GPRC5A: variants seen among roughly 807,000 people sequenced by gnomAD.
GPRC5A encodes retinoic acid-induced protein 3.
Under a neutral mutation model 22.5 loss-of-function variants are expected in GPRC5A, and 19 were observed. The observed-to-expected ratio is 0.85, with a 90% CI of 0.59 to 1.24. The LOEUF is 1.24. Ranked by LOEUF, GPRC5A falls within the 50% of genes most tolerant of loss-of-function variation. GPRC5A has a pLI of 0.00. For synonymous variants in GPRC5A, 192 were observed against 184.5 expected (o/e 1.04, Z -0.33); for missense variants, 471 against 451.1 (o/e 1.04, Z -0.40).
In GPRC5A at chr12:12,908,449, C is replaced by T; in HGVS notation, c.200C>T (p.Thr67Ile). The change falls in exon 2 of 4, where the codon ACT (threonine) becomes ATT (isoleucine). Residue 67 changes from threonine (T) to isoleucine (I), a missense_variant. Transcript: ENST00000014914. ...QDSNRRKMLPTQFLFLLGVLG... is the reference protein window; with the variant it reads ...QDSNRRKMLPIQFLFLLGVLG... Reference sequence around the variant, plus strand: ...TCCAACAGGCGAAAAATGCTGCCTACTCAGTTTCTCTTCCTCCTGGGTGTG... The same window carrying T: ...TCCAACAGGCGAAAAATGCTGCCTATTCAGTTTCTCTTCCTCCTGGGTGTG... 3 of 1,614,054 alleles carry T rather than the reference C, an allele frequency of 1.9e-6. No individual in the cohort carries two copies. The highest frequency in any genetic ancestry group is 2.5e-6 in the Non-Finnish European group (3 of 1,179,970).
At position 12,908,241 on chromosome 12, in the gene GPRC5A, A is replaced by G. The variant is rs1440246096; in HGVS notation, c.-7-2A>G. On this transcript the variant is annotated splice_acceptor_variant, in intron 1 of 3. Transcript: ENST00000014914. LOFTEE classifies it low-confidence loss of function (5UTR_SPLICE). ...CCCCACTCCAACATTCCTTTTCTGC[A>G]GGTCCAGAATGGCTACAACAGTCCC... 6.5e-7 allele frequency: 1 copy of G among 1,540,016 alleles called. No individual in the cohort carries two copies. The highest frequency in any genetic ancestry group is 2.3e-5 in the East Asian group (1 of 44,294).
Position 12,913,426 on chromosome 12 carries a change from C to G in GPRC5A, c.*887C>G, listed in dbSNP as rs963886102. 2.6e-5 allele frequency: 4 copies of G among 152,316 alleles called. No homozygotes were observed. Among genetic ancestry groups the G allele is most frequent in the African/African-American group, 9.7e-5 (4 of 41,446 alleles). 9.4% of individuals were successfully genotyped at this position (152,316 alleles called of 1,614,324 possible). A position where few individuals can be genotyped will look rare whatever the true frequency, so the allele number is the denominator to read the frequency against. On this transcript the variant is annotated 3_prime_UTR_variant, in exon 4 of 4. Transcript: ENST00000014914. ...TCTTTCAGACCTCACTAGCACAAGC[C>G]CGGTTGCTCCTTGTCAGGAGAATTT...
chr12:12,895,217 A>T (rs1863809332), intron 1 of GPRC5A, among the ~76,000 whole-genome samples: 1 of 152,194 alleles, frequency 6.6e-6, no homozygotes. Context: ...TTTACCTTGA[A>T]CAACTTACTT....
chr12:12,911,380 A>C (rs904400177), intron 2 of GPRC5A, among the ~76,000 whole-genome samples: 1 of 152,048 alleles, frequency 6.6e-6, no homozygotes, highest in Non-Finnish European at 1.5e-5. Context: ...AAATATATAC[A>C]TATTTTCCTT....
Position 12,915,658 on chromosome 12 carries a change from ATT to A in GPRC5A, c.*3123_*3124del. 5.4e-6 allele frequency: 1 copy of A among 184,786 alleles called. No individual in the cohort carries two copies. Among genetic ancestry groups the A allele is most frequent in the Non-Finnish European group, 1.2e-5 (1 of 83,712 alleles). The allele number at this position is 184,786 out of a possible 1,614,324, so 11.4% of individuals were successfully genotyped here. On this transcript the variant is annotated 3_prime_UTR_variant, in exon 4 of 4. Coordinates refer to ENST00000014914, the MANE Select transcript of GPRC5A (RefSeq NM_003979.4). The stretch of plus-strand genomic sequence containing the variant: ...CCTCCTCCTCCACCATGCCCGGCTG[ATT>A]TTTGTATTTTTAGTAGAGACAGGGT...
At chr12:12,905,434 C>A (rs1041185309) in intron 1 of GPRC5A, among the ~76,000 whole-genome samples, 3 of 151,946 alleles carry the variant, frequency 2.0e-5, no homozygotes, top group African/African-American at 7.3e-5. Context: ...GCCACGTGAA[C>A]AATCTCATTG....
chr12:12,900,038 A>G (rs1166084495), intron 1 of GPRC5A, among the ~76,000 whole-genome samples: 1 of 152,186 alleles, frequency 6.6e-6, no homozygotes, highest in Non-Finnish European at 1.5e-5. Flanking sequence ...AGAAACCCAA[A>G]GCGGGAGACT....
rs529656576 is a variant in GPRC5A at position 12,905,487 on chromosome 12, C to T, written c.-7-2756C>T. Among the ~76,000 whole-genome samples the T allele has an allele frequency of 3.6e-4, 55 of 152,264 alleles. No homozygotes were observed. In the South Asian group the frequency reaches 5.6e-3, roughly 15 times the overall value. On this transcript the variant is annotated intron_variant, in intron 1 of 3. Transcript: ENST00000014914. ...GAAAAAAAATCCCATGCCCAAAAAG[C>T]ATGGAACACAACAAAAAGAATAGTG...
At position 12,913,427 on chromosome 12, in the gene GPRC5A, CG is replaced by C. The variant is rs1350933174; in HGVS notation, c.*890del. 1 of 152,278 alleles carries C rather than the reference CG, an allele frequency of 6.6e-6. No individual in the cohort carries two copies. Among genetic ancestry groups the C allele is most frequent in the Non-Finnish European group, 1.5e-5 (1 of 68,054 alleles). 9.4% of individuals were successfully genotyped at this position (152,278 alleles called of 1,614,324 possible). A position where few individuals can be genotyped will look rare whatever the true frequency, so the allele number is the denominator to read the frequency against. On this transcript the variant is annotated 3_prime_UTR_variant, in exon 4 of 4. Transcript: ENST00000014914. ...CTTTCAGACCTCACTAGCACAAGCC[CG>C]GTTGCTCCTTGTCAGGAGAATTTGT...
intron 1 of GPRC5A, among the ~76,000 whole-genome samples, chr12:12,892,906 G>T (rs928345771): frequency 3.3e-5 from 5 of 152,170 alleles, no homozygotes; most frequent in Non-Finnish European, 7.4e-5. Context: ...CCACGGGAGG[G>T]GTGAGGGCGG....
At chr12:12,904,023 G>A (rs1360145702) in intron 1 of GPRC5A, among the ~76,000 whole-genome samples, 1 of 152,218 alleles carries the variant, frequency 6.6e-6, no homozygotes, top group African/African-American at 2.4e-5. Flanking sequence ...AGAGGGGCAG[G>A]GAGAGGGAGA....
At chr12:12,892,533 A>G (rs752971695) in intron 1 of GPRC5A, among the ~76,000 whole-genome samples, 1 of 151,906 alleles carries the variant, frequency 6.6e-6, no homozygotes, top group Non-Finnish European at 1.5e-5. Context: ...ACTCCTGGTT[A>G]ATTTTGTATT....
chr12:12,905,861 T>G (rs1863936751), intron 1 of GPRC5A, among the ~76,000 whole-genome samples: 1 of 152,172 alleles, frequency 6.6e-6, no homozygotes, highest in Non-Finnish European at 1.5e-5. Context: ...GGCTTCCTGA[T>G]TATCCGAATG....
Position 12,914,594 on chromosome 12 carries a change from T to TCTCTC in GPRC5A, c.*2055_*2056insCTCTC, listed in dbSNP as rs879783764. ...TTTCTTTCTTTCTTTCTTTCTTTCT[T>TCTCTC]TCTCTCTCTCTCTCTCTCTCTCTTT... is the stretch of plus-strand genomic sequence containing the variant. On this transcript the variant is annotated 3_prime_UTR_variant, in exon 4 of 4. Coordinates refer to ENST00000014914, the MANE Select transcript of GPRC5A (RefSeq NM_003979.4). 6 of 81,626 alleles carry TCTCTC rather than the reference T, an allele frequency of 7.4e-5. No individual in the cohort carries two copies. The highest frequency in any genetic ancestry group is 4.5e-4 in the Admixed American group (3 of 6,656). 5.1% of individuals were successfully genotyped at this position (81,626 alleles called of 1,614,324 possible).
At chr12:12,909,455 G>A in intron 2 of GPRC5A, 1 of 339,438 alleles carries the variant, frequency 2.9e-6, no homozygotes, top group East Asian at 4.8e-5. Flanking sequence ...TTCCTGTGGG[G>A]CAGAACACCT....
chr12:12,907,813 G>A (rs1347871867), intron 1 of GPRC5A, among the ~76,000 whole-genome samples: 1 of 152,126 alleles, frequency 6.6e-6, no homozygotes, highest in Non-Finnish European at 1.5e-5. Context: ...TTAATATAAA[G>A]ATGGAGTCTT....
At chr12:12,905,190 G>GT (rs555063271) in intron 1 of GPRC5A, among the ~76,000 whole-genome samples, 11 of 152,144 alleles carry the variant, frequency 7.2e-5, no homozygotes, top group Non-Finnish European at 1.0e-4. Context: ...CAAGAAGGTT[G>GT]TTTTTTCCGA....
chr12:12,905,123 G>T (rs1304113675), intron 1 of GPRC5A, among the ~76,000 whole-genome samples: 1 of 152,158 alleles, frequency 6.6e-6, no homozygotes, highest in African/African-American at 2.4e-5. Flanking sequence ...GACCTCAGGT[G>T]ATCTGCCCGC....
rs552698438 is a variant in GPRC5A, at chr12:12,913,826, T to A, written c.*1287T>A. 2.6e-5 allele frequency: 4 copies of A among 152,284 alleles called. No homozygotes were observed. The highest frequency in any genetic ancestry group is 9.6e-5 in the African/African-American group (4 of 41,558). 9.4% of individuals were successfully genotyped at this position (152,284 alleles called of 1,614,324 possible). A position where few individuals can be genotyped will look rare whatever the true frequency, so the allele number is the denominator to read the frequency against. ...GTGTGTTTCCCCTCATTTTTGAGGC[T>A]GTCAATGGTGTGAGAGCCAGGATCA... On this transcript the variant is annotated 3_prime_UTR_variant, in exon 4 of 4. Transcript: ENST00000014914.
Sources: gnomAD v4.1 joint callset for allele counts (sites outside exome capture counted in the v4.1 genomes callset) on GRCh38, gnomAD v4.1.1 for gene constraint, MANE v1.5 for transcripts, NCBI Gene and HGNC (gene_info 2026-07-23, HGNC 2026-07-21) for gene names.